Variants in SH2D1A observed in about 807,000 individuals in gnomAD.
The protein encoded by SH2D1A is SH2 domain containing 1A, also known as SH2 domain-containing protein 1A.
In SH2D1A, 6 loss-of-function variants were observed where a neutral mutation model predicts 10.1. That is an observed-to-expected ratio of 0.60 (90% CI 0.33 to 1.18). The LOEUF (loss-of-function observed/expected upper bound fraction) is 1.18. Among genes scored for constraint, SH2D1A ranks in the 50% most tolerant of loss-of-function variants. SH2D1A has a pLI of 0.04. For synonymous variants in SH2D1A, 42 were observed against 36.9 expected (o/e 1.14, Z -0.51); for missense variants, 51 against 97.6 (o/e 0.52, Z 2.01).
intron 1 of SH2D1A, among the ~76,000 whole-genome samples, chrX:124,358,908 C>T (rs2060032687): frequency 8.9e-6 from 1 of 111,740 alleles, no homozygotes; most frequent in Non-Finnish European, 1.9e-5. Context: ...TGCTGTTGTC[C>T]TGGGAATGCA....
rs2060072224 is a variant in SH2D1A at position 124,372,551 on chromosome X, A to T, written c.*1160A>T. ...AAAATAACAATAAAAGACAAGGAAA[A>T]AATAACAATGAAAGTTGATAAGTAC... On this transcript the variant is annotated 3_prime_UTR_variant, in exon 4 of 4. Transcript: ENST00000371139. 2.3e-5 allele frequency: 4 copies of T among 170,797 alleles called. No individual in the cohort carries two copies. The highest frequency in any genetic ancestry group is 3.4e-5 in the Non-Finnish European group (3 of 89,150). The allele number at this position is 170,797 out of a possible 1,213,427, so 14.1% of individuals were successfully genotyped here.
chrX:124,367,233 A>AAAT (rs1224719508), intron 2 of SH2D1A, among the ~76,000 whole-genome samples: 1 of 112,190 alleles, frequency 8.9e-6, no homozygotes, highest in Non-Finnish European at 1.9e-5. Flanking sequence ...CGCAAATAGA[A>AAAT]AATAGTTTAA....
intron 1 of SH2D1A, among the ~76,000 whole-genome samples, chrX:124,359,066 C>T (rs892470625): frequency 3.6e-5 from 4 of 111,239 alleles, no homozygotes; most frequent in African/African-American, 1.3e-4. Flanking sequence ...CAATTTTGCT[C>T]ATTCAGAAAT....
intron 1 of SH2D1A, among the ~76,000 whole-genome samples, chrX:124,352,753 T>A (rs182873099): frequency 8.9e-6 from 1 of 111,806 alleles, no homozygotes. Flanking sequence ...CCCTTTGATA[T>A]ATTGATTTCC....
chrX:124,366,817 T>C (rs192694505), intron 2 of SH2D1A, among the ~76,000 whole-genome samples: 65 of 108,782 alleles, frequency 6.0e-4, no homozygotes, highest in African/African-American at 1.9e-3. Context: ...ACTGCAGAGA[T>C]GATTGAATAA....
In SH2D1A at chrX:124,362,929, AAGGCTGTCTG is replaced by A. The variant is rs767920922; in HGVS notation, c.138-2829_138-2820del. ...GATTGGGGGCCTTATTACAACAGAA[AAGGCTGTCTG>A]AGTACACAGCAAGAGGTCAGCTACT... On this transcript the variant is annotated intron_variant, in intron 1 of 3. Transcript: ENST00000371139. 9.7e-4 allele frequency among the ~76,000 whole-genome samples: 108 copies of A among 111,153 alleles called. 2 individuals are homozygous for A. The East Asian group carries it at 0.024, about 25-fold the overall frequency.
chrX:124,353,599 T>C (rs991206687), intron 1 of SH2D1A, among the ~76,000 whole-genome samples: 3 of 111,411 alleles, frequency 2.7e-5, no homozygotes, highest in African/African-American at 9.8e-5. Context: ...TAGACAGCCA[T>C]TGGGAAAGTT....
chrX:124,358,249 A>G (rs1407724921), intron 1 of SH2D1A, among the ~76,000 whole-genome samples: 1 of 110,749 alleles, frequency 9.0e-6, no homozygotes, highest in African/African-American at 3.3e-5. Flanking sequence ...GGTTAGTTCC[A>G]TTTTTTTCAC....
At chrX:124,366,252 G>C (rs2147531689) in intron 2 of SH2D1A, among the ~76,000 whole-genome samples, 1 of 111,166 alleles carries the variant, frequency 9.0e-6, no homozygotes, top group Admixed American at 9.6e-5. Flanking sequence ...AAATTAAACA[G>C]TTATGAGTGG....
Position 124,371,413 on chromosome X carries a change from C to T in SH2D1A, c.*22C>T. 2 of 1,034,050 alleles carry T rather than the reference C, an allele frequency of 1.9e-6. No homozygotes were observed. The highest frequency in any genetic ancestry group is 2.7e-6 in the Non-Finnish European group (2 of 738,971). The allele number at this position is 1,034,050 out of a possible 1,213,427, so 85.2% of individuals were successfully genotyped here. On this transcript the variant is annotated 3_prime_UTR_variant, in exon 4 of 4. Transcript: ENST00000371139. ...ATGAAGAAAAATAAAACACCTTGTACTTTATTTTCTATAATTTAAATATAT... is the reference window on the plus strand; with the variant it reads ...ATGAAGAAAAATAAAACACCTTGTATTTTATTTTCTATAATTTAAATATAT...
intron 3 of SH2D1A, 144 bp downstream of exon 3, chrX:124,370,464 A>G (rs1293764189): frequency 1.8e-5 from 9 of 503,967 alleles, no homozygotes; most frequent in Non-Finnish European, 3.2e-5. Context: ...ATGAGAGGTG[A>G]CAATTTATGT....
chrX:124,355,519 C>T (rs1233199592), intron 1 of SH2D1A, among the ~76,000 whole-genome samples: 1 of 111,159 alleles, frequency 9.0e-6, no homozygotes, highest in Non-Finnish European at 1.9e-5. Flanking sequence ...ATCAAAAAGT[C>T]CAAAAAAGCT....
At position 124,370,319 on chromosome X, in the gene SH2D1A, A is replaced by G. The variant is rs373619212; in HGVS notation, c.345A>G (p.Thr115=). The change falls in exon 3 of 4, where the codon ACA becomes ACG. Residue 115 remains threonine, a splice_region_variant and synonymous_variant. Transcript: ENST00000371139. ...CAGCTAGAAGTACACAAGGTACTACAGGTATGATTTCCTCTTAATTTTTGA... is the reference window on the plus strand; with the variant it reads ...CAGCTAGAAGTACACAAGGTACTACGGGTATGATTTCCTCTTAATTTTTGA... ...KSSARSTQGT[T]GIREDPDVCL... The G allele has an allele frequency of 1.7e-6, 2 of 1,200,226 alleles. No individual in the cohort carries two copies. Among genetic ancestry groups the G allele is most frequent in the Non-Finnish European group, 2.3e-6 (2 of 886,307 alleles).
In SH2D1A at chrX:124,346,566, T is replaced by A; in HGVS notation, c.-77T>A. On this transcript the variant is annotated 5_prime_UTR_variant, in exon 1 of 4. The change creates a new upstream start codon in the 5' untranslated region. Transcript: ENST00000371139. ...CTGAACTGGGAGTCAGGTGGTTGAC[T>A]TGTGCCTGGCTGCAGTAGCAGCGGC... The A allele has an allele frequency of 8.8e-7, 1 of 1,141,135 alleles. No individual in the cohort carries two copies. The highest frequency in any genetic ancestry group is 1.8e-5 in the South Asian group (1 of 55,281). 94.0% of individuals were successfully genotyped at this position (1,141,135 alleles called of 1,213,427 possible).
Position 124,371,529 on chromosome X carries a change from A to G in SH2D1A, c.*138A>G, listed in dbSNP as rs2060069224. On this transcript the variant is annotated 3_prime_UTR_variant, in exon 4 of 4. Transcript: ENST00000371139. ...TAGTCCTGTAATGGAAGCATCTAGC[A>G]TGTCGTCAAAGCTGAAATGGACTTT... 2 of 385,236 alleles carry G rather than the reference A, an allele frequency of 5.2e-6. No homozygotes were observed. The highest frequency in any genetic ancestry group is 8.8e-6 in the Non-Finnish European group (2 of 228,250). The allele number at this position is 385,236 out of a possible 1,213,427, so 31.7% of individuals were successfully genotyped here. A position where few individuals can be genotyped will look rare whatever the true frequency, so the allele number is the denominator to read the frequency against.
chrX:124,350,447 A>T (rs1185733986), intron 1 of SH2D1A, among the ~76,000 whole-genome samples: 2 of 21,464 alleles, frequency 9.3e-5, no homozygotes, highest in African/African-American at 3.9e-4. Context: ...ATAATATATA[A>T]ATATATATTA....
intron 1 of SH2D1A, among the ~76,000 whole-genome samples, chrX:124,360,445 T>TAAAA (rs752399450): frequency 9.4e-5 from 3 of 31,982 alleles, no homozygotes; most frequent in African/African-American, 2.7e-4. Flanking sequence ...CTGCAAAAAC[T>TAAAA]AAAAAAAAAA....
At chrX:124,353,180 T>C (rs368766266) in intron 1 of SH2D1A, 97 of 158,456 alleles carry the variant, frequency 6.1e-4, no homozygotes, top group African/African-American at 2.7e-3. Flanking sequence ...ATTAAATTTA[T>C]TAATAAACTA....
intron 1 of SH2D1A, among the ~76,000 whole-genome samples, chrX:124,362,471 C>T (rs577745783): frequency 3.6e-5 from 4 of 112,331 alleles, no homozygotes; most frequent in East Asian, 2.8e-4. Flanking sequence ...CTTCCAATTT[C>T]TCCCTTTTGG....
Sources: allele counts gnomAD v4.1 joint callset (sites outside exome capture counted in the v4.1 genomes callset), GRCh38; gene constraint gnomAD v4.1.1; transcripts MANE v1.5; gene names NCBI Gene and HGNC (gene_info 2026-07-23, HGNC 2026-07-21).